The following RMST variants were observed in gnomAD, a reference collection of about 807,000 sequenced individuals.
RMST encodes long intergenic non-protein coding RNA 54.
chr12:97,489,266 C>T (rs947843744), intron 5 of RMST, among the ~76,000 whole-genome samples: 5 of 151,800 alleles, frequency 3.3e-5, no homozygotes, highest in East Asian at 3.9e-4. Context: ...GGCAACATAG[C>T]GAGACCTCAT....
chr12:97,547,760 G>A (rs1375261987), intron 11 of RMST, among the ~76,000 whole-genome samples: 1 of 152,026 alleles, frequency 6.6e-6, no homozygotes, highest in East Asian at 1.9e-4. Context: ...TTGCTACTGA[G>A]TTGTTTGAGT....
intron 10 of RMST, among the ~76,000 whole-genome samples, chr12:97,513,798 A>G (rs11109081): frequency 0.2 from 30,010 of 152,156 alleles, 3,302 homozygotes; most frequent in Middle Eastern, 0.27. Context: ...TCTGAAGACC[A>G]TGTGCTATGG....
intron 10 of RMST, among the ~76,000 whole-genome samples, chr12:97,499,971 T>C (rs1025828102): frequency 1.2e-4 from 19 of 152,318 alleles, no homozygotes; most frequent in African/African-American, 4.3e-4. Flanking sequence ...TGTCTTCTTT[T>C]TACTCATTAC....
chr12:97,499,953 C>T (rs189756559), intron 10 of RMST, among the ~76,000 whole-genome samples: 48 of 152,190 alleles, frequency 3.2e-4, no homozygotes, highest in African/African-American at 1.1e-3. Flanking sequence ...GTCATCATGC[C>T]CGGCCTATGT....
chr12:97,518,423 A>G (rs1236202028), intron 10 of RMST, among the ~76,000 whole-genome samples: 1 of 152,156 alleles, frequency 6.6e-6, no homozygotes, highest in Admixed American at 6.5e-5. Flanking sequence ...TCCTTTAACT[A>G]TATCCTTTAG....
At chr12:97,554,656 C>T (rs867764905) in intron 11 of RMST, among the ~76,000 whole-genome samples, 1 of 152,148 alleles carries the variant, frequency 6.6e-6, no homozygotes, top group Non-Finnish European at 1.5e-5. Flanking sequence ...CAATTAAAAG[C>T]TAGATATTTC....
chr12:97,501,784 C>T (rs1260071134), intron 10 of RMST, among the ~76,000 whole-genome samples: 1 of 152,164 alleles, frequency 6.6e-6, no homozygotes, highest in African/African-American at 2.4e-5. Flanking sequence ...CTGTCTCCAC[C>T]TGTCGAGAAA....
chr12:97,556,625 C>A (rs1220956576), intron 11 of RMST, among the ~76,000 whole-genome samples: 1 of 152,166 alleles, frequency 6.6e-6, no homozygotes, highest in Non-Finnish European at 1.5e-5. Flanking sequence ...TGTTCCCATC[C>A]ATTGCCTCTG....
intron 10 of RMST, among the ~76,000 whole-genome samples, chr12:97,508,197 A>G (rs1239233083): frequency 6.6e-6 from 1 of 152,234 alleles, no homozygotes; most frequent in Admixed American, 6.5e-5. Flanking sequence ...ATAAAATGTT[A>G]TCTATAAGAA....
chr12:97,484,897 C>T (rs1316448772), intron 5 of RMST, among the ~76,000 whole-genome samples: 2 of 152,120 alleles, frequency 1.3e-5, no homozygotes, highest in African/African-American at 4.8e-5. Context: ...TCTCTACTTC[C>T]CCTTTCTGCA....
intron 10 of RMST, among the ~76,000 whole-genome samples, chr12:97,523,843 C>T (rs914027625): frequency 2.0e-5 from 3 of 151,736 alleles, no homozygotes; most frequent in Non-Finnish European, 4.4e-5. Context: ...TTTGGGAGGT[C>T]GAGGCGGGCG....
chr12:97,539,764 A>G (rs996064183), intron 11 of RMST, among the ~76,000 whole-genome samples: 8 of 151,674 alleles, frequency 5.3e-5, no homozygotes, highest in African/African-American at 1.7e-4. Flanking sequence ...AACCAGGGTT[A>G]TGAAATTTTA....
intron 13 of RMST, chr12:97,563,675 T>A (rs926602545): frequency 2.2e-5 from 9 of 414,526 alleles, no homozygotes; most frequent in Admixed American, 1.3e-4. Context: ...TCTTGTTAAT[T>A]CGTGATGTCA....
chr12:97,480,578 TA>T (rs1331551431), intron 5 of RMST, among the ~76,000 whole-genome samples: 1 of 152,176 alleles, frequency 6.6e-6, no homozygotes, highest in Non-Finnish European at 1.5e-5. Context: ...TGTGCAAGCT[TA>T]AAACCCTCTA....
chr12:97,479,259 C>T lies in RMST; in HGVS notation n.645-13202C>T, dbSNP rs143805431. ...GGCTCAAGCAATCTTCCCACCTCAGCCTCCCAAGGAGCTAGGACTACAGGT... is the reference window on the plus strand; with the variant it reads ...GGCTCAAGCAATCTTCCCACCTCAGTCTCCCAAGGAGCTAGGACTACAGGT... On this transcript the variant is annotated intron_variant and non_coding_transcript_variant, in intron 5 of 13. Coordinates refer to ENST00000640149, the Ensembl canonical transcript of RMST. Among the ~76,000 whole-genome samples the T allele has an allele frequency of 2.4e-3, 368 of 150,664 alleles. 4 individuals are homozygous for T. Among genetic ancestry groups the T allele is most frequent in the African/African-American group, 8.3e-3 (339 of 40,974 alleles).
At chr12:97,472,973 C>T (rs1158425142) in intron 5 of RMST, among the ~76,000 whole-genome samples, 6 of 152,110 alleles carry the variant, frequency 3.9e-5, no homozygotes, top group Non-Finnish European at 8.8e-5. Context: ...AAAATATAAT[C>T]GTTCTCTCAT....
chr12:97,512,263 A>T (rs1229025163), intron 10 of RMST, among the ~76,000 whole-genome samples: 2 of 152,000 alleles, frequency 1.3e-5, no homozygotes, highest in East Asian at 1.9e-4. Context: ...GAAGCTGCAG[A>T]CCTTTGTGGT....
chr12:97,510,104 TAA>T (rs1446910550), intron 10 of RMST, among the ~76,000 whole-genome samples: 1 of 152,224 alleles, frequency 6.6e-6, no homozygotes, highest in Non-Finnish European at 1.5e-5. Context: ...CTGAGATTTA[TAA>T]GAGAGGAAGC....
chr12:97,509,000 A>T (rs1350374361), intron 10 of RMST, among the ~76,000 whole-genome samples: 1 of 152,218 alleles, frequency 6.6e-6, no homozygotes, highest in African/African-American at 2.4e-5. Context: ...TGCTGAAGAC[A>T]GCATAAATGG....
Sources: allele counts gnomAD v4.1 joint callset (sites outside exome capture counted in the v4.1 genomes callset), GRCh38; gene constraint gnomAD v4.1.1; transcripts MANE v1.5; gene names NCBI Gene and HGNC (gene_info 2026-07-23, HGNC 2026-07-21).